The following FRRS1L variants were observed in gnomAD, a reference collection of about 807,000 sequenced individuals.
FRRS1L encodes the protein ferric chelate reductase 1 like.
A neutral mutation model predicts 28.6 loss-of-function variants in FRRS1L; 22 were observed. The ratio of observed to expected loss-of-function variants is 0.77; its 90% CI spans 0.55 to 1.10. The LOEUF is 1.10. Among genes scored for constraint, FRRS1L ranks in the 50% least tolerant of loss-of-function variants. The pLI, the probability that FRRS1L is intolerant of heterozygous loss-of-function variation, is 0.00. For synonymous variants in FRRS1L, 158 were observed against 151.4 expected, an observed-to-expected ratio of 1.04 and a Z score of -0.32; for missense variants, 380 against 386.9, an observed-to-expected ratio of 0.98 and a Z score of 0.15.
chr9:109,133,926 T>C lies in FRRS1L; in HGVS notation c.*3529A>G, dbSNP rs1330140886. 2 of 152,234 alleles carry C rather than the reference T, an allele frequency of 1.3e-5. No individual in the cohort carries two copies. The highest frequency in any genetic ancestry group is 2.4e-5 in the African/African-American group (1 of 41,468). The allele number at this position is 152,234 out of a possible 1,614,324, so 9.4% of individuals were successfully genotyped here. On this transcript the variant is annotated 3_prime_UTR_variant, in exon 5 of 5. Transcript: ENST00000561981. ...AGTTTTTGGAATTATCACTTCAGCA[T>C]GTCTATCGACTGCTAGTTCTCTGAG...
Position 109,137,345 on chromosome 9 carries a change from GT to G in FRRS1L, c.*109del, listed in dbSNP as rs1203958354. On this transcript the variant is annotated 3_prime_UTR_variant, in exon 5 of 5. Transcript: ENST00000561981. ...TTCCAAAAAGCTGAAATTATATGAGGTTTTTTTTCTTAAATAATTGAAGCTA... is the reference window on the plus strand; with the variant it reads ...TTCCAAAAAGCTGAAATTATATGAGGTTTTTTTCTTAAATAATTGAAGCTA... 1.7e-5 allele frequency: 11 copies of G among 647,078 alleles called. No individual in the cohort carries two copies. Among genetic ancestry groups the G allele is most frequent in the South Asian group, 5.7e-5 (1 of 17,578 alleles). 40.1% of individuals were successfully genotyped at this position (647,078 alleles called of 1,614,324 possible).
At chr9:109,163,685 C>A (rs1564236830) in intron 1 of FRRS1L, among the ~76,000 whole-genome samples, 2 of 152,020 alleles carry the variant, frequency 1.3e-5, no homozygotes, top group Non-Finnish European at 2.9e-5. Flanking sequence ...ATTCAAATTC[C>A]TTTTTTTCTG....
chr9:109,154,623 A>C (rs1488392605), intron 1 of FRRS1L, among the ~76,000 whole-genome samples: 1 of 152,170 alleles, frequency 6.6e-6, no homozygotes, highest in African/African-American at 2.4e-5. Flanking sequence ...TGATTTATGG[A>C]ACACTCATTA....
At chr9:109,158,619 C>T (rs1288123068) in intron 1 of FRRS1L, among the ~76,000 whole-genome samples, 1 of 152,182 alleles carries the variant, frequency 6.6e-6, no homozygotes, top group Non-Finnish European at 1.5e-5. Flanking sequence ...ACCTCCTTCA[C>T]TTAGCATAAT....
chr9:109,142,478 C>T (rs6477692), intron 3 of FRRS1L, among the ~76,000 whole-genome samples: 136,952 of 152,150 alleles, frequency 0.9, 61,811 homozygotes, highest in African/African-American at 0.96. Flanking sequence ...CACTCCAGCC[C>T]GGATGACAGA....
chr9:109,150,115 T>C (rs1261867423), intron 1 of FRRS1L: 1 of 155,584 alleles, frequency 6.4e-6, no homozygotes, highest in Non-Finnish European at 1.4e-5. Context: ...GTGGGATTTT[T>C]CCATTTATAT....
At chr9:109,153,791 T>TAA (rs1414016404) in intron 1 of FRRS1L, among the ~76,000 whole-genome samples, 2 of 152,192 alleles carry the variant, frequency 1.3e-5, no homozygotes, top group Non-Finnish European at 2.9e-5. Flanking sequence ...TACTGGAATA[T>TAA]AAGCAGAGCA....
intron 3 of FRRS1L, among the ~76,000 whole-genome samples, chr9:109,141,961 A>G (rs7022436): frequency 0.15 from 22,577 of 151,608 alleles, 1,924 homozygotes; most frequent in African/African-American, 0.18. Context: ...AAAAAAGAAA[A>G]AAAAAAAAAA....
In FRRS1L at chr9:109,141,466, C is replaced by G; in HGVS notation, c.586G>C (p.Val196Leu). Residue 196 changes from valine to leucine, a missense_variant, in exon 4 of 5, where the codon GTT (valine) becomes CTT (leucine). Transcript: ENST00000561981. ...QRNPARDEEG[V>L]FENNRVTCRF... ...CAGGTGACGCGATTGTTCTCAAAAA[C>G]TCCTTCTTCATCTCTGGCAGGGTTT... 6.2e-7 allele frequency: 1 copy of G among 1,614,080 alleles called. No homozygotes were observed. The highest frequency in any genetic ancestry group is 8.5e-7 in the Non-Finnish European group (1 of 1,180,020).
chr9:109,141,569 G>T lies in FRRS1L; in HGVS notation c.483C>A (p.Ala161=), dbSNP rs754499375. Residue 161 remains alanine, a synonymous_variant, in exon 4 of 5, where the codon GCC becomes GCA. Coordinates refer to ENST00000561981, the MANE Select transcript of FRRS1L (RefSeq NM_014334.4). ...DKKMGGDDVM[A]CVHDDNGRVR... The stretch of plus-strand genomic sequence containing the variant: ...CCCTGCCATTGTCATCATGGACGCA[G>T]GCCATGACATCATCACCACCCTAAC... 15 of 1,613,300 alleles carry T rather than the reference G, an allele frequency of 9.3e-6. No individual in the cohort carries two copies. In the East Asian group the frequency reaches 3.3e-4, roughly 36 times the overall value.
intron 1 of FRRS1L, among the ~76,000 whole-genome samples, chr9:109,162,068 C>A (rs1339233470): frequency 6.6e-6 from 1 of 152,194 alleles, no homozygotes; most frequent in Non-Finnish European, 1.5e-5. Context: ...GTAATTCCAG[C>A]ACTTTGGGGG....
At chr9:109,157,790 T>C (rs1260132450) in intron 1 of FRRS1L, among the ~76,000 whole-genome samples, 2 of 152,258 alleles carry the variant, frequency 1.3e-5, no homozygotes, top group Admixed American at 6.5e-5. Flanking sequence ...CATTCCTGAT[T>C]AGTTTCTTCT....
chr9:109,130,729 A>G lies in FRRS1L; in HGVS notation c.*6726T>C, dbSNP rs552050977. 1 of 152,348 alleles carries G rather than the reference A, an allele frequency of 6.6e-6. No homozygotes were observed. Among genetic ancestry groups the G allele is most frequent in the South Asian group, 2.1e-4 (1 of 4,826 alleles). The allele number at this position is 152,348 out of a possible 1,614,324, so 9.4% of individuals were successfully genotyped here. On this transcript the variant is annotated 3_prime_UTR_variant, in exon 5 of 5. Transcript: ENST00000561981. ...ACTCCTGGAGCCAGATTGTTCCAGC[A>G]TATCAGCATGTCTGTGGAAATAAGG...
intron 1 of FRRS1L, among the ~76,000 whole-genome samples, chr9:109,157,688 T>C (rs1212916006): frequency 1.3e-5 from 2 of 152,246 alleles, no homozygotes; most frequent in African/African-American, 4.8e-5. Flanking sequence ...CCAAGGGTGG[T>C]ATGTCCAATT....
intron 1 of FRRS1L, among the ~76,000 whole-genome samples, chr9:109,162,214 G>A (rs1831488393): frequency 1.3e-5 from 2 of 152,226 alleles, no homozygotes; most frequent in African/African-American, 4.8e-5. Context: ...TACTTGGGAG[G>A]CTGAGGCATG....
Position 109,149,703 on chromosome 9 carries a change from C to A in FRRS1L, c.256G>T (p.Ala86Ser). The change falls in exon 2 of 5, where the codon GCT becomes TCT. Residue 86 changes from alanine (A) to serine (S), a missense_variant. By Grantham distance (99) the Ala-to-Ser change is moderately conservative (BLOSUM62 1). Coordinates refer to ENST00000561981, the MANE Select transcript of FRRS1L (RefSeq NM_014334.4). ...LSEEGYPFPT[A>S]PPVDPFAKIK... ...TTGGCAAATGGATCCACAGGAGGAG[C>A]AGTAGGGAAGGGGTAACCTGGGCAG... The A allele has an allele frequency of 1.9e-6, 3 of 1,612,570 alleles. No individual in the cohort carries two copies. Among genetic ancestry groups the A allele is most frequent in the Non-Finnish European group, 2.5e-6 (3 of 1,178,616 alleles).
In FRRS1L at chr9:109,131,910, ACATGTGTAAAACACTCC is replaced by A. The variant is rs1411983826; in HGVS notation, c.*5528_*5544del. 1 of 151,920 alleles carries A rather than the reference ACATGTGTAAAACACTCC, an allele frequency of 6.6e-6. No homozygotes were observed. Among genetic ancestry groups the A allele is most frequent in the African/African-American group, 2.4e-5 (1 of 41,426 alleles). The allele number at this position is 151,920 out of a possible 1,614,324, so 9.4% of individuals were successfully genotyped here. The stretch of plus-strand genomic sequence containing the variant: ...TGGTACATAAGGTAGATGCCACATC[ACATGTGTAAAACACTCC>A]CATGGTGCAGCAGATTTTGATACAA... On this transcript the variant is annotated 3_prime_UTR_variant, in exon 5 of 5. Coordinates refer to ENST00000561981, the MANE Select transcript of FRRS1L (RefSeq NM_014334.4).
chr9:109,157,344 T>C (rs1042724469), intron 1 of FRRS1L, among the ~76,000 whole-genome samples: 13 of 152,228 alleles, frequency 8.5e-5, no homozygotes, highest in Admixed American at 6.5e-5. Context: ...TACATATCTA[T>C]TTAATTGAAC....
intron 2 of FRRS1L, chr9:109,147,914 T>A (rs1831283834): frequency 6.6e-6 from 1 of 152,176 alleles, no homozygotes; most frequent in African/African-American, 2.4e-5. Flanking sequence ...ACCAAATGAA[T>A]ACCCCCATCT....
Sources: allele counts gnomAD v4.1 joint callset (sites outside exome capture counted in the v4.1 genomes callset), GRCh38; gene constraint gnomAD v4.1.1; transcripts MANE v1.5; gene names NCBI Gene and HGNC (gene_info 2026-07-23, HGNC 2026-07-21).